PARP12: variants seen among roughly 807,000 people sequenced by gnomAD.
PARP12 encodes the protein protein mono-ADP-ribosyltransferase PARP12.
Under a neutral mutation model 72.4 loss-of-function variants are expected in PARP12, and 59 were observed. The ratio of observed to expected loss-of-function variants is 0.81; its 90% CI spans 0.66 to 1.01. The LOEUF (loss-of-function observed/expected upper bound fraction) is 1.01, where lower values mean the gene tolerates loss of function less well. Among genes scored for constraint, PARP12 ranks in the 50% least tolerant of loss-of-function variants. The probability of loss-of-function intolerance (pLI) is 0.00; values close to 1 mark genes in which losing one functional copy is unlikely to be tolerated. For synonymous variants in PARP12, 403 were observed against 371.4 expected, an observed-to-expected ratio of 1.09 and a Z score of -0.98; for missense variants, 851 against 914.0, an observed-to-expected ratio of 0.93 and a Z score of 0.89.
chr7:140,049,993 C>G (rs141640218), intron 4 of PARP12, among the ~76,000 whole-genome samples: 1 of 152,058 alleles, frequency 6.6e-6, no homozygotes, highest in Non-Finnish European at 1.5e-5. Flanking sequence ...CCACATCCAC[C>G]CCAGCCCTTC....
chr7:140,048,732 C>G (rs1232480333), intron 4 of PARP12, among the ~76,000 whole-genome samples: 1 of 152,066 alleles, frequency 6.6e-6, no homozygotes. Flanking sequence ...AACTTTGAAC[C>G]ACAAGAAGAT....
chr7:140,041,793 TC>T lies in PARP12; in HGVS notation c.1032del (p.Asn345ThrfsTer5). The stretch of plus-strand genomic sequence containing the variant: ...GCACCGTAAGTCATGGCGTTAAAGT[TC>T]AGACAATGAGAGTGAAAGGTACTGG... Reference protein sequence around the residue: ...ESASTFHSHCLNFNAMTYGAT... With the variant: ...ESASTFHSHCXNFNAMTYGAT... On this transcript the variant is annotated frameshift_variant, in exon 6 of 12. Coordinates refer to ENST00000263549, the MANE Select transcript of PARP12 (RefSeq NM_022750.4). LOFTEE classifies it high-confidence loss of function. The T allele has an allele frequency of 6.2e-7, 1 of 1,613,990 alleles. No individual in the cohort carries two copies. Among genetic ancestry groups the T allele is most frequent in the Non-Finnish European group, 8.5e-7 (1 of 1,179,996 alleles).
intron 4 of PARP12, among the ~76,000 whole-genome samples, chr7:140,047,273 G>T (rs914715667): frequency 6.6e-6 from 1 of 152,202 alleles, no homozygotes; most frequent in Admixed American, 6.5e-5. Context: ...AGTATTGAGC[G>T]GTAAGGCCTT....
chr7:140,034,544 G>C (rs1816076612), intron 7 of PARP12: 1 of 369,112 alleles, frequency 2.7e-6, no homozygotes, highest in South Asian at 2.5e-5. Flanking sequence ...AATGAATAGA[G>C]GAATGATTAG....
chr7:140,062,803 G>T lies in PARP12; in HGVS notation c.45C>A (p.Cys15Ter). The T allele has an allele frequency of 7.1e-7, 1 of 1,414,896 alleles. No individual in the cohort carries two copies. Among genetic ancestry groups the T allele is most frequent in the East Asian group, 3.2e-5 (1 of 31,174 alleles). 87.6% of individuals were successfully genotyped at this position (1,414,896 alleles called of 1,614,324 possible). The change falls in exon 1 of 12, where the codon TGC becomes TGA. Residue 15 changes from cysteine (C) to a stop codon, truncating the protein, a stop_gained. Coordinates refer to ENST00000263549, the MANE Select transcript of PARP12 (RefSeq NM_022750.4). LOFTEE classifies it high-confidence loss of function. The part of the protein sequence containing the change: ...GVVGEVTQVL[C>*]AAGGALELPE... ...GCAACTCCAGGGCGCCCCCGGCCGCGCACAGCACCTGGGTGACCTCACCGA... is the reference window on the plus strand; with the variant it reads ...GCAACTCCAGGGCGCCCCCGGCCGCTCACAGCACCTGGGTGACCTCACCGA...
At chr7:140,032,996 G>C (rs1212186629) in intron 8 of PARP12, among the ~76,000 whole-genome samples, 4 of 151,962 alleles carry the variant, frequency 2.6e-5, no homozygotes, top group African/African-American at 7.3e-5. Flanking sequence ...CTGTCACCCA[G>C]GCTGGAGTGC....
At chr7:140,040,148 G>A (rs887432344) in intron 6 of PARP12, among the ~76,000 whole-genome samples, 2 of 152,198 alleles carry the variant, frequency 1.3e-5, no homozygotes, top group Non-Finnish European at 2.9e-5. Flanking sequence ...AGTGTGTTGC[G>A]CCTGCCATCT....
At chr7:140,046,739 T>G in intron 5 of PARP12, 145 bp downstream of exon 5, 1 of 828,534 alleles carries the variant, frequency 1.2e-6, no homozygotes. Flanking sequence ...TGTGTGTGTG[T>G]GTGTGTGTGT....
intron 2 of PARP12, 28 bp downstream of exon 2, chr7:140,057,871 T>G (rs1489518713): frequency 1.2e-6 from 2 of 1,613,448 alleles, no homozygotes; most frequent in East Asian, 4.5e-5. Flanking sequence ...CAGGGAGCTG[T>G]GGAACCCAGA....
intron 6 of PARP12, 73 bp from the exon 7 acceptor site, chr7:140,037,929 G>A: frequency 6.4e-6 from 10 of 1,555,258 alleles, no homozygotes; most frequent in East Asian, 4.6e-5. Flanking sequence ...TGGCACCCAC[G>A]CCACATTTCA....
chr7:140,033,334 C>T (rs1816020120), intron 8 of PARP12: 2 of 985,292 alleles, frequency 2.0e-6, no homozygotes, highest in South Asian at 4.7e-5. Context: ...TAAAAACGAC[C>T]TTTGCATGCT....
intron 11 of PARP12, chr7:140,025,464 A>G (rs1815701706): frequency 9.9e-6 from 4 of 405,634 alleles, no homozygotes; most frequent in South Asian, 7.1e-5. Context: ...ATGGACCCGG[A>G]ACATGGACTG....
intron 7 of PARP12, among the ~76,000 whole-genome samples, chr7:140,035,456 A>T (rs1585087862): frequency 6.6e-6 from 1 of 152,188 alleles, no homozygotes; most frequent in East Asian, 1.9e-4. Flanking sequence ...CCTTCTATGG[A>T]CACAGTAAAG....
intron 4 of PARP12, among the ~76,000 whole-genome samples, chr7:140,050,812 GA>G (rs999763235): frequency 2.0e-5 from 3 of 151,318 alleles, no homozygotes; most frequent in Non-Finnish European, 3.0e-5. Context: ...AACCATAAAA[GA>G]AAAAAAATAT....
At position 140,034,239 on chromosome 7, in the gene PARP12, T is replaced by A. The variant is rs1440811012; in HGVS notation, c.1417A>T (p.Thr473Ser). Residue 473 changes from threonine (T) to serine (S), a missense_variant, in exon 8 of 12, where the codon ACC becomes TCC. Physicochemically the swap from Thr to Ser is moderately conservative, Grantham distance 58. Coordinates refer to ENST00000263549, the MANE Select transcript of PARP12 (RefSeq NM_022750.4). Reference sequence around the variant, plus strand: ...AAGCCCCCCACTGCAACCTACCAGGTTTGCATGGTCGTCACATCCTGGGGA... The same window carrying A: ...AAGCCCCCCACTGCAACCTACCAGGATTGCATGGTCGTCACATCCTGGGGA... ...VSPQDVTTMQ[T>S]CNTKFPGPKS... 1.1e-5 allele frequency: 18 copies of A among 1,612,412 alleles called. No individual in the cohort carries two copies. The highest frequency in any genetic ancestry group is 1.4e-5 in the Non-Finnish European group (16 of 1,178,950).
At chr7:140,025,001 G>C (rs749251402) in intron 11 of PARP12, 116 bp from the exon 12 acceptor site, 2 of 879,648 alleles carry the variant, frequency 2.3e-6, no homozygotes, top group East Asian at 2.6e-5. Flanking sequence ...CTTCCACCCC[G>C]CATCTCCCTC....
Position 140,056,941 on chromosome 7 carries a change from G to A in PARP12, c.675C>T (p.Thr225=), listed in dbSNP as rs748467744. The stretch of plus-strand genomic sequence containing the variant: ...TGATGTCATGTGCATTTCTATAAAT[G>A]GTAGGCAGCCTGCTCACCAGGTCTG... The part of the protein sequence containing the change: ...MSSDLVSRLP[T]IYRNAHDIKN... Residue 225 remains threonine (T), a synonymous_variant, in exon 3 of 12, where the codon ACC becomes ACT. Coordinates refer to ENST00000263549, the MANE Select transcript of PARP12 (RefSeq NM_022750.4). 4 of 1,613,984 alleles carry A rather than the reference G, an allele frequency of 2.5e-6. No homozygotes were observed. Among genetic ancestry groups the A allele is most frequent in the Admixed American group, 1.7e-5 (1 of 59,998 alleles).
At position 140,028,603 on chromosome 7, in the gene PARP12, C is replaced by A. The variant is rs779032177; in HGVS notation, c.1497+10G>T. On this transcript the variant is annotated intron_variant, in intron 9 of 11. Coordinates refer to ENST00000263549, the MANE Select transcript of PARP12 (RefSeq NM_022750.4). ...CTTCCTGTCCAGCCCCAGGCGCATG[C>A]GTCCCCTACCTGAAAGCCTGGGTCT... The A allele has an allele frequency of 2.5e-6, 4 of 1,577,222 alleles. No individual in the cohort carries two copies. In the South Asian group the frequency reaches 4.6e-5, roughly 18 times the overall value.
Position 140,038,242 on chromosome 7 carries a change from T to C in PARP12, c.1183-386A>G, listed in dbSNP as rs1012444050. The C allele has an allele frequency of 1.8e-5, 18 of 985,426 alleles. 1 individual carries two copies. Among genetic ancestry groups the C allele is most frequent in the Middle Eastern group, 5.2e-4 (1 of 1,914 alleles). The allele number at this position is 985,426 out of a possible 1,614,324, so 61.0% of individuals were successfully genotyped here. A position where few individuals can be genotyped will look rare whatever the true frequency, so the allele number is the denominator to read the frequency against. ...GCCCAAGCCAGGCTGGTCTTACCCGTCTATTCACGTTGCAACCATCCTTTA... is the reference window on the plus strand; with the variant it reads ...GCCCAAGCCAGGCTGGTCTTACCCGCCTATTCACGTTGCAACCATCCTTTA... On this transcript the variant is annotated intron_variant, in intron 6 of 11. Coordinates refer to ENST00000263549, the MANE Select transcript of PARP12 (RefSeq NM_022750.4).
Sources: allele counts gnomAD v4.1 joint callset (sites outside exome capture counted in the v4.1 genomes callset), GRCh38; gene constraint gnomAD v4.1.1; transcripts MANE v1.5; gene names NCBI Gene and HGNC (gene_info 2026-07-23, HGNC 2026-07-21).